The following AK8 variants were observed in gnomAD, a reference collection of about 807,000 sequenced individuals.
AK8 encodes ATP-AMP transphosphorylase 8.
A neutral mutation model predicts 54.6 loss-of-function variants in AK8; 44 were observed. The ratio of observed to expected loss-of-function variants is 0.81; its 90% CI spans 0.63 to 1.04. AK8 has a LOEUF of 1.04. AK8 is among the 50% of genes least tolerant of loss of function. AK8 has a pLI of 0.00. For synonymous variants in AK8, 239 were observed against 245.6 expected (o/e 0.97, Z 0.25); for missense variants, 555 against 613.6 (o/e 0.90, Z 1.01).
intron 11 of AK8, among the ~76,000 whole-genome samples, chr9:132,751,038 G>A (rs1229293659): frequency 6.6e-6 from 1 of 151,938 alleles, no homozygotes; most frequent in Non-Finnish European, 1.5e-5. Flanking sequence ...TGAATTTCTA[G>A]ATAAAGCTTT....
At chr9:132,752,164 T>G (rs1590196111) in intron 11 of AK8, among the ~76,000 whole-genome samples, 1 of 152,130 alleles carries the variant, frequency 6.6e-6, no homozygotes, top group East Asian at 1.9e-4. Flanking sequence ...GAGTAGTTTT[T>G]AAAATATTGG....
rs878969305 is a variant in AK8 at position 132,875,208 on chromosome 9, G to A, written c.85-9C>T. On this transcript the variant is annotated splice_polypyrimidine_tract_variant and intron_variant, in intron 1 of 12. Coordinates refer to ENST00000298545, the MANE Select transcript of AK8 (RefSeq NM_152572.3). Reference sequence around the variant, plus strand: ...AGTTGCTCCAGCATGTTCTGTGGGTGCAGGGCAGACACCCAGGTGGTTAAT... The same window carrying A: ...AGTTGCTCCAGCATGTTCTGTGGGTACAGGGCAGACACCCAGGTGGTTAAT... 14 of 1,613,856 alleles carry A rather than the reference G, an allele frequency of 8.7e-6. No individual in the cohort carries two copies. The highest frequency in any genetic ancestry group is 8.3e-5 in the Admixed American group (5 of 59,994).
intron 11 of AK8, among the ~76,000 whole-genome samples, chr9:132,782,253 A>AT (rs1453359036): frequency 6.6e-6 from 1 of 151,658 alleles, no homozygotes; most frequent in Non-Finnish European, 1.5e-5. Context: ...TAAAACAGTC[A>AT]TTTTTCCCCC....
rs1839882457 is a variant in AK8 at position 132,790,077 on chromosome 9, T to C, written c.1121+2557A>G. 6.6e-6 allele frequency among the ~76,000 whole-genome samples: 1 copy of C among 152,188 alleles called. No homozygotes were observed. The highest frequency in any genetic ancestry group is 1.5e-5 in the Non-Finnish European group (1 of 68,042). ...ATCTGCCACAAGCAGTAGAATAATA[T>C]TCCATGAACGAACAATATGCCATGA... On this transcript the variant is annotated intron_variant, in intron 11 of 12. Transcript: ENST00000298545. The surrounding 1 kb of genome is among the most constrained non-coding windows in gnomAD (Gnocchi z 4.1).
At chr9:132,736,445 C>T (rs1837117336) in intron 11 of AK8, among the ~76,000 whole-genome samples, 1 of 151,276 alleles carries the variant, frequency 6.6e-6, no homozygotes, top group African/African-American at 2.4e-5. Flanking sequence ...ACCTCGGCCT[C>T]CCAAAGTGTT....
At chr9:132,758,719 A>G (rs1209394911) in intron 11 of AK8, among the ~76,000 whole-genome samples, 1 of 151,760 alleles carries the variant, frequency 6.6e-6, no homozygotes, top group Non-Finnish European at 1.5e-5. Context: ...TCAGCTTCCC[A>G]AAGTGTGGGG....
chr9:132,878,793 C>T, upstream of AK8: 7 of 985,178 alleles, frequency 7.1e-6, no homozygotes, highest in Non-Finnish European at 8.4e-6. This position sits in a 1 kb window ranked among gnomAD's most constrained non-coding sequence, Gnocchi z 4.7. Context: ...CCCCTCCCAG[C>T]TCCCCGGCTC....
intron 9 of AK8, among the ~76,000 whole-genome samples, chr9:132,817,356 G>C (rs149046636): frequency 9.2e-5 from 14 of 152,280 alleles, no homozygotes; most frequent in African/African-American, 2.9e-4. Context: ...ATGCAAAAAA[G>C]CAGGAAAATG....
chr9:132,826,261 G>A lies in AK8; in HGVS notation c.757+593C>T, dbSNP rs1206304998. ...AGGCTGCACAGCTGGGCTGCGTCGG[G>A]GCTGAGATTTGAACAGGTTGCTCAG... On this transcript the variant is annotated intron_variant, in intron 8 of 12. Transcript: ENST00000298545. This position sits in a 1 kb window ranked among gnomAD's most constrained non-coding sequence, Gnocchi z 4.5. Among the ~76,000 whole-genome samples the A allele has an allele frequency of 1.3e-5, 2 of 152,132 alleles. No homozygotes were observed. The highest frequency in any genetic ancestry group is 6.5e-5 in the Admixed American group (1 of 15,268).
intron 11 of AK8, among the ~76,000 whole-genome samples, chr9:132,736,430 C>T (rs1166146078): frequency 1.3e-5 from 2 of 151,436 alleles, no homozygotes; most frequent in African/African-American, 2.4e-5. Flanking sequence ...TCAGGTGATC[C>T]GCCCACCTCG....
At chr9:132,763,705 T>C (rs907758628) in intron 11 of AK8, among the ~76,000 whole-genome samples, 4 of 152,246 alleles carry the variant, frequency 2.6e-5, no homozygotes, top group Non-Finnish European at 2.9e-5. Flanking sequence ...ACAAATCCAC[T>C]CCACCCACTT....
chr9:132,871,687 G>T (rs145022556), intron 2 of AK8, among the ~76,000 whole-genome samples: 212 of 152,346 alleles, frequency 1.4e-3, no homozygotes, highest in African/African-American at 4.8e-3. Flanking sequence ...AACAGAGCAG[G>T]TGCAGTGCAG....
At position 132,818,603 on chromosome 9, in the gene AK8, A is replaced by G. The variant is rs184522392; in HGVS notation, c.890-3876T>C. ...TGGCTAAAAAGGAAATAGAAGAAAG[A>G]AAATGGATTACTAAAAAATACTTGG... On this transcript the variant is annotated intron_variant, in intron 9 of 12. Coordinates refer to ENST00000298545, the MANE Select transcript of AK8 (RefSeq NM_152572.3). Among the ~76,000 whole-genome samples, 27 of 152,340 alleles carry G rather than the reference A, an allele frequency of 1.8e-4. No individual in the cohort carries two copies. The East Asian group carries it at 4.6e-3, about 26-fold the overall frequency.
Position 132,827,021 on chromosome 9 carries a change from T to G in AK8, c.590A>C (p.Glu197Ala). Reference protein sequence around the residue: ...IYHTTFDWPPESEIQNRLMVP... With the variant: ...IYHTTFDWPPASEIQNRLMVP... ...CATGAGACGGTTCTGGATTTCAGAT[T>G]CGGGTGGCCAGTCAAAGGTGGTGTG... The change falls in exon 8 of 13, where the codon GAA becomes GCA. Residue 197 changes from glutamate to alanine, a missense_variant. Transcript: ENST00000298545. 6.2e-7 allele frequency: 1 copy of G among 1,614,210 alleles called. No individual in the cohort carries two copies. Among genetic ancestry groups the G allele is most frequent in the Non-Finnish European group, 8.5e-7 (1 of 1,180,034 alleles).
In AK8 at chr9:132,727,473, C is replaced by A; in HGVS notation, c.1183G>T (p.Asp395Tyr). Reference protein sequence around the residue: ...IMERLTLRRIDPVTGERYHLM... With the variant: ...IMERLTLRRIYPVTGERYHLM... ...ACAAACCTTTCCCCAGTGACTGGAT[C>A]AATTCTTCTCAGAGTCAGCCGCTCC... Residue 395 changes from aspartate to tyrosine, a missense_variant, in exon 12 of 13, where the codon GAT becomes TAT. By Grantham distance (160) the Asp-to-Tyr change is radical (BLOSUM62 -3). Transcript: ENST00000298545. 1 of 1,614,058 alleles carries A rather than the reference C, an allele frequency of 6.2e-7. No individual in the cohort carries two copies. Among genetic ancestry groups the A allele is most frequent in the Admixed American group, 1.7e-5 (1 of 60,032 alleles).
In AK8 at chr9:132,837,145, C is replaced by A. The variant is rs1842360179; in HGVS notation, c.403-8419G>T. 6.6e-6 allele frequency among the ~76,000 whole-genome samples: 1 copy of A among 151,988 alleles called. No homozygotes were observed. Among genetic ancestry groups the A allele is most frequent in the Non-Finnish European group, 1.5e-5 (1 of 68,000 alleles). ...ACCATCCTGGCCAACGTGGTGAAAC[C>A]CCATCTCTACTAAATATACAAAAAT... On this transcript the variant is annotated intron_variant, in intron 5 of 12. Transcript: ENST00000298545. The surrounding 1 kb of genome is among the most constrained non-coding windows in gnomAD (Gnocchi z 4.3).
At chr9:132,748,261 C>T (rs1011801122) in intron 11 of AK8, among the ~76,000 whole-genome samples, 1 of 150,390 alleles carries the variant, frequency 6.6e-6, no homozygotes, top group African/African-American at 2.5e-5. Context: ...ATAAAACACA[C>T]AGATTTAAAG....
intron 2 of AK8, among the ~76,000 whole-genome samples, chr9:132,872,968 C>A (rs1052778049): frequency 1.3e-5 from 2 of 152,308 alleles, no homozygotes; most frequent in South Asian, 4.1e-4. Context: ...CCCGCCACCA[C>A]GCCCAGCTAA....
intron 10 of AK8, among the ~76,000 whole-genome samples, chr9:132,802,649 T>A (rs901880722): frequency 1.3e-5 from 2 of 152,174 alleles, no homozygotes; most frequent in Non-Finnish European, 2.9e-5. Context: ...GAATCCGTCT[T>A]GGACACACTA....
Sources: allele counts gnomAD v4.1 joint callset (sites outside exome capture counted in the v4.1 genomes callset), GRCh38; gene constraint gnomAD v4.1.1; non-coding constraint Gnocchi (gnomAD v3.1); transcripts MANE v1.5; gene names NCBI Gene and HGNC (gene_info 2026-07-23, HGNC 2026-07-21).